Variants in ANO3 observed in about 807,000 individuals in gnomAD.
ANO3 encodes the protein anoctamin-3.
In ANO3, 99 loss-of-function variants were observed where a neutral mutation model predicts 144.8. The observed-to-expected ratio is 0.68, with a 90% confidence interval of 0.58 to 0.81. ANO3 has a LOEUF of 0.81. Among genes scored for constraint, ANO3 ranks in the 30% least tolerant of loss-of-function variants. The probability of loss-of-function intolerance (pLI) is 0.00; values close to 1 mark genes in which losing one functional copy is unlikely to be tolerated. For synonymous variants in ANO3, 414 were observed against 392.6 expected, an observed-to-expected ratio of 1.05 and a Z score of -0.64; for missense variants, 905 against 1,202.2, an observed-to-expected ratio of 0.75 and a Z score of 3.66.
chr11:26,537,331 C>T (rs947357186), intron 9 of ANO3, 75 bp from the exon 10 acceptor site: 67 of 1,150,780 alleles, frequency 5.8e-5, no homozygotes, highest in Non-Finnish European at 7.9e-5. Flanking sequence ...CATTGTTCCC[C>T]GTATATTTCT....
At chr11:26,611,976 A>T (rs68030591) in intron 17 of ANO3, among the ~76,000 whole-genome samples, 6 of 151,778 alleles carry the variant, frequency 4.0e-5, no homozygotes, top group African/African-American at 1.5e-4. Flanking sequence ...CCATGCCTTC[A>T]CTTTCAGCCT....
intron 1 of ANO3, among the ~76,000 whole-genome samples, chr11:26,373,320 G>T (rs536966124): frequency 6.6e-6 from 1 of 152,102 alleles, no homozygotes; most frequent in Non-Finnish European, 1.5e-5. Flanking sequence ...TTTCATAATA[G>T]CAAATGAGTT....
At chr11:26,332,667 C>CA (rs1855086680) in intron 1 of ANO3, among the ~76,000 whole-genome samples, 2 of 152,030 alleles carry the variant, frequency 1.3e-5, no homozygotes, top group African/African-American at 4.8e-5. Flanking sequence ...AAATGTTCAA[C>CA]AATATCTGCC....
At chr11:26,504,639 T>A (rs1016369494) in intron 4 of ANO3, among the ~76,000 whole-genome samples, 3 of 152,140 alleles carry the variant, frequency 2.0e-5, no homozygotes, top group Non-Finnish European at 4.4e-5. Flanking sequence ...CTGGAGGGTC[T>A]AGAGGAGAGG....
At chr11:26,475,608 C>T (rs1381563489) in intron 4 of ANO3, among the ~76,000 whole-genome samples, 1 of 151,976 alleles carries the variant, frequency 6.6e-6, no homozygotes, top group Non-Finnish European at 1.5e-5. Flanking sequence ...AATACATACT[C>T]AGCTATCAGT....
chr11:26,614,025 C>A (rs1448313786), intron 17 of ANO3, among the ~76,000 whole-genome samples: 1 of 152,206 alleles, frequency 6.6e-6, no homozygotes, highest in Non-Finnish European at 1.5e-5. Flanking sequence ...GACCAGCTGT[C>A]AGGCCATGCA....
At chr11:26,406,535 G>A (rs1037533925) in intron 1 of ANO3, among the ~76,000 whole-genome samples, 2 of 151,818 alleles carry the variant, frequency 1.3e-5, no homozygotes, top group African/African-American at 2.4e-5. Flanking sequence ...TAGTTAGAAA[G>A]TTTGCAGTTC....
At chr11:26,482,420 AGATATATGTGTG>A (rs1860255809) in intron 4 of ANO3, among the ~76,000 whole-genome samples, 2 of 122,802 alleles carry the variant, frequency 1.6e-5, no homozygotes, top group Non-Finnish European at 3.3e-5. Flanking sequence ...ATTTGAACAC[AGATATATGTGTG>A]TGTGTGTGTG....
upstream of ANO3, among the ~76,000 whole-genome samples, chr11:26,306,865 T>G (rs1854395836): frequency 7.7e-6 from 1 of 130,412 alleles, no homozygotes; most frequent in African/African-American, 3.1e-5. Flanking sequence ...ATTCTTTACT[T>G]TCTAGCCAAC....
At position 26,568,617 on chromosome 11, in the gene ANO3, T is replaced by G. The variant is rs1292049430; in HGVS notation, c.1447+8838T>G. ...CACTAAATATGCTTTTGCTGTAATTTAAGAAAATCACGATAACTGTCTATT... is the reference window on the plus strand; with the variant it reads ...CACTAAATATGCTTTTGCTGTAATTGAAGAAAATCACGATAACTGTCTATT... On this transcript the variant is annotated intron_variant, in intron 14 of 26. Coordinates refer to ENST00000256737, the MANE Select transcript of ANO3 (RefSeq NM_031418.4). Among the ~76,000 whole-genome samples, 5 of 152,164 alleles carry G rather than the reference T, an allele frequency of 3.3e-5. No homozygotes were observed. In the East Asian group the frequency reaches 9.7e-4, roughly 29 times the overall value.
At chr11:26,588,049 C>A (rs1007674999) in intron 14 of ANO3, among the ~76,000 whole-genome samples, 4 of 151,264 alleles carry the variant, frequency 2.6e-5, no homozygotes, top group Non-Finnish European at 5.9e-5. Context: ...AAATTATTTT[C>A]TGTAATTTTT....
intron 1 of ANO3, among the ~76,000 whole-genome samples, chr11:26,353,183 A>C (rs1050281286): frequency 1.4e-4 from 22 of 152,178 alleles, no homozygotes; most frequent in African/African-American, 4.1e-4. Context: ...CTGTGGTGCC[A>C]CCCATTTTTA....
chr11:26,599,082 T>C (rs995532546), intron 16 of ANO3, 84 bp downstream of exon 16: 1 of 1,416,056 alleles, frequency 7.1e-7, no homozygotes, highest in Non-Finnish European at 9.8e-7. Context: ...TTTTGTGACG[T>C]TGAGAATGTC....
chr11:26,319,135 T>G (rs1406467910), intron 1 of ANO3, among the ~76,000 whole-genome samples: 2 of 145,670 alleles, frequency 1.4e-5, no homozygotes, highest in Non-Finnish European at 2.9e-5. Flanking sequence ...TGCCACTACT[T>G]CCAGATAACA....
intron 14 of ANO3, among the ~76,000 whole-genome samples, chr11:26,589,126 G>C (rs1351401836): frequency 6.6e-6 from 1 of 152,214 alleles, no homozygotes; most frequent in Admixed American, 6.5e-5. Flanking sequence ...TGTGGGTGGA[G>C]AGTAACTAGC....
chr11:26,477,518 T>A (rs1164146187), intron 4 of ANO3, among the ~76,000 whole-genome samples: 1 of 152,134 alleles, frequency 6.6e-6, no homozygotes, highest in Non-Finnish European at 1.5e-5. Context: ...CTCATAGCAC[T>A]TGCACCTCCG....
chr11:26,507,465 G>T (rs1426134065), intron 4 of ANO3, among the ~76,000 whole-genome samples: 1 of 152,172 alleles, frequency 6.6e-6, no homozygotes, highest in African/African-American at 2.4e-5. Context: ...AGCTGTTCTA[G>T]TTGGTTTGCA....
intron 2 of ANO3, among the ~76,000 whole-genome samples, chr11:26,443,429 C>T (rs1042150864): frequency 1.3e-5 from 2 of 151,984 alleles, no homozygotes; most frequent in Admixed American, 6.5e-5. Context: ...TGGTGAAACC[C>T]TGTCTCTACT....
chr11:26,245,446 A>C (rs1216916721), intron 1 of ANO3, among the ~76,000 whole-genome samples: 2 of 152,168 alleles, frequency 1.3e-5, no homozygotes, highest in Non-Finnish European at 2.9e-5. Context: ...GCCACCTTTT[A>C]ATTCTATCAT....
Sources: allele counts gnomAD v4.1 joint callset (sites outside exome capture counted in the v4.1 genomes callset), GRCh38; gene constraint gnomAD v4.1.1; transcripts MANE v1.5; gene names NCBI Gene and HGNC (gene_info 2026-07-23, HGNC 2026-07-21).